Variants in DOCK5 observed in about 807,000 individuals in gnomAD.
The protein encoded by DOCK5 is dedicator of cytokinesis protein 5.
DOCK5 carries 142 observed loss-of-function variants against 251.8 expected under a neutral mutation model. The ratio of observed to expected loss-of-function variants is 0.56; its 90% confidence interval spans 0.49 to 0.65. The LOEUF (loss-of-function observed/expected upper bound fraction) is 0.65, where lower values mean the gene tolerates loss of function less well. Among genes scored for constraint, DOCK5 ranks in the 30% least tolerant of loss-of-function variants. The pLI is 0.00. For synonymous variants in DOCK5, 842 were observed against 835.5 expected (o/e 1.01, Z -0.13); for missense variants, 2,111 against 2,312.3 (o/e 0.91, Z 1.79).
At chr8:25,319,026 C>T (rs1292736119) in intron 14 of DOCK5, among the ~76,000 whole-genome samples, 3 of 152,136 alleles carry the variant, frequency 2.0e-5, no homozygotes, top group African/African-American at 7.2e-5. Flanking sequence ...GCTCATTTCA[C>T]GTAGACACCT....
intron 48 of DOCK5, among the ~76,000 whole-genome samples, chr8:25,405,911 G>A (rs148865035): frequency 5.6e-4 from 85 of 152,196 alleles, no homozygotes; most frequent in African/African-American, 1.7e-3. Context: ...GATAACCACC[G>A]TTAAAGCTCA....
intron 14 of DOCK5, among the ~76,000 whole-genome samples, chr8:25,318,094 T>C (rs901738901): frequency 1.3e-5 from 2 of 151,788 alleles, no homozygotes; most frequent in Non-Finnish European, 1.5e-5. Context: ...TTTGTTGCTG[T>C]TGTTGTTGTT....
In DOCK5 at chr8:25,373,654, A is replaced by C. The variant is rs1208161327; in HGVS notation, c.3721A>C (p.Ile1241Leu). ...AGAAAAGAAGAGAGAGGACATATACATAAGGTAAGCTGAAGGAAATTTCTT... is the reference window on the plus strand; with the variant it reads ...AGAAAAGAAGAGAGAGGACATATACCTAAGGTAAGCTGAAGGAAATTTCTT... ...YKEKKREDIY[I>L]RYLYKLRDLH... is the part of the protein sequence containing the mutation. Residue 1241 changes from isoleucine (I) to leucine (L), a missense_variant, in exon 36 of 52, where the codon ATA (isoleucine) becomes CTA (leucine). Ile to Leu is a conservative substitution (Grantham distance 5). Transcript: ENST00000276440. 5 of 1,593,620 alleles carry C rather than the reference A, an allele frequency of 3.1e-6. No individual in the cohort carries two copies. Among genetic ancestry groups the C allele is most frequent in the Non-Finnish European group, 4.3e-6 (5 of 1,170,190 alleles).
intron 28 of DOCK5, among the ~76,000 whole-genome samples, chr8:25,359,387 A>ATGTCG (rs1800636583): frequency 6.6e-6 from 1 of 151,876 alleles, no homozygotes. Flanking sequence ...GTAACTACTC[A>ATGTCG]TGGCAAGGAT....
At chr8:25,295,539 A>G (rs998400387) in intron 6 of DOCK5, among the ~76,000 whole-genome samples, 3 of 152,166 alleles carry the variant, frequency 2.0e-5, no homozygotes, top group African/African-American at 7.2e-5. Context: ...GGTCTAAATG[A>G]CACCAGAGCC....
At chr8:25,268,927 T>G (rs753628706) in intron 3 of DOCK5, 42 bp downstream of exon 3, 21 of 1,497,356 alleles carry the variant, frequency 1.4e-5, no homozygotes, top group Admixed American at 2.1e-5. Flanking sequence ...TTGAAATCTG[T>G]CTGCTAGTTT....
At chr8:25,394,078 G>A (rs1434062888) in intron 44 of DOCK5, among the ~76,000 whole-genome samples, 2 of 152,158 alleles carry the variant, frequency 1.3e-5, no homozygotes, top group African/African-American at 2.4e-5. Context: ...AAGAATAGCA[G>A]TATGTGGTGG....
intron 1 of DOCK5, 137 bp downstream of exon 1, chr8:25,185,088 G>C (rs1801398803): frequency 1.3e-5 from 14 of 1,048,470 alleles, no homozygotes; most frequent in Non-Finnish European, 1.6e-5. Flanking sequence ...CTGGGAGCCG[G>C]GGACGGTAGG....
In DOCK5 at chr8:25,412,572, C is replaced by CT. The variant is rs1427478720; in HGVS notation, c.*1275dup. 1.3e-5 allele frequency: 2 copies of CT among 152,152 alleles called. No individual in the cohort carries two copies. Among genetic ancestry groups the CT allele is most frequent in the Non-Finnish European group, 2.9e-5 (2 of 68,042 alleles). 9.4% of individuals were successfully genotyped at this position (152,152 alleles called of 1,614,324 possible). ...CTGACAGACTCTTTAATATTTACCC[C>CT]TGGTTGGAACAATATTTGAAATGTC... On this transcript the variant is annotated 3_prime_UTR_variant, in exon 52 of 52. Coordinates refer to ENST00000276440, the MANE Select transcript of DOCK5 (RefSeq NM_024940.8).
chr8:25,299,023 A>G lies in DOCK5; in HGVS notation c.686A>G (p.Lys229Arg), dbSNP rs140417347. ...ACCTATGGCCTCTATGTGAACTTCA[A>G]GAACTTTGTCTGCAACATCGGGGAA... ...IHTYGLYVNF[K>R]NFVCNIGEDA... Residue 229 changes from lysine to arginine, a missense_variant, in exon 8 of 52, where the codon AAG (lysine) becomes AGG (arginine). By Grantham distance (26) the Lys-to-Arg change is conservative (BLOSUM62 2). Coordinates refer to ENST00000276440, the MANE Select transcript of DOCK5 (RefSeq NM_024940.8). 26 of 1,613,818 alleles carry G rather than the reference A, an allele frequency of 1.6e-5. No individual in the cohort carries two copies. In the African/African-American group the frequency reaches 3.1e-4, roughly 19 times the overall value.
At position 25,245,846 on chromosome 8, in the gene DOCK5, T is replaced by G. The variant is rs114040662; in HGVS notation, c.127+2089T>G. ...TGAGCCACCATGCCTGGTGGCAAAGTTCTATATATGGTAATTAGGTTCTAA... is the reference window on the plus strand; with the variant it reads ...TGAGCCACCATGCCTGGTGGCAAAGGTCTATATATGGTAATTAGGTTCTAA... On this transcript the variant is annotated intron_variant, in intron 2 of 51. Coordinates refer to ENST00000276440, the MANE Select transcript of DOCK5 (RefSeq NM_024940.8). Among the ~76,000 whole-genome samples the G allele has an allele frequency of 9.6e-3, 1,463 of 152,222 alleles. 30 individuals are homozygous for G. Among genetic ancestry groups the G allele is most frequent in the African/African-American group, 0.033 (1,384 of 41,524 alleles).
In DOCK5 at chr8:25,273,459, C is replaced by T. The variant is rs530091546; in HGVS notation, c.169-1927C>T. On this transcript the variant is annotated intron_variant, in intron 3 of 51. Transcript: ENST00000276440. ...CTCTACTAAAAATACAAAAATTAGC[C>T]GGGCATGGTGGTGCATACCTGTAAT... 4.0e-3 allele frequency among the ~76,000 whole-genome samples: 608 copies of T among 152,232 alleles called. 6 individuals carry two copies. The highest frequency in any genetic ancestry group is 0.014 in the African/African-American group (577 of 41,544).
chr8:25,336,618 T>C (rs557659621), intron 22 of DOCK5, among the ~76,000 whole-genome samples: 6 of 152,328 alleles, frequency 3.9e-5, no homozygotes, highest in African/African-American at 1.4e-4. Context: ...AGCAGATTCC[T>C]GTGGAAAGAT....
chr8:25,319,791 T>G lies in DOCK5; in HGVS notation c.1542+115T>G, dbSNP rs915665307. On this transcript the variant is annotated intron_variant, in intron 15 of 51. Transcript: ENST00000276440. ...TTTTGAAATTTTTAGATAAGTTGCC[T>G]ATGGTGTGCAGTAAGAAATGAATCA... 2.2e-5 allele frequency: 15 copies of G among 673,582 alleles called. No individual in the cohort carries two copies. In the African/African-American group the frequency reaches 2.4e-4, roughly 11 times the overall value. The allele number at this position is 673,582 out of a possible 1,614,324, so 41.7% of individuals were successfully genotyped here. A position where few individuals can be genotyped will look rare whatever the true frequency, so the allele number is the denominator to read the frequency against.
At chr8:25,210,033 T>TATATATATATATAA (rs1293166301) in intron 1 of DOCK5, among the ~76,000 whole-genome samples, 8 of 22,858 alleles carry the variant, frequency 3.5e-4, no homozygotes, top group Non-Finnish European at 4.9e-4. Context: ...TATATATATA[T>TATATATATATATAA]AAATGTGTGT....
intron 7 of DOCK5, 39 bp downstream of exon 7, chr8:25,296,687 T>TTTTA: frequency 6.2e-7 from 1 of 1,603,144 alleles, no homozygotes; most frequent in Non-Finnish European, 8.5e-7. Flanking sequence ...CCACTGAGGT[T>TTTTA]CCATTTTTGC....
intron 2 of DOCK5, among the ~76,000 whole-genome samples, chr8:25,244,052 G>A (rs997219258): frequency 3.3e-5 from 5 of 152,212 alleles, no homozygotes; most frequent in Middle Eastern, 3.2e-3. Context: ...GAGCTGGCTC[G>A]CGAGGAGACA....
rs368988201 is a variant in DOCK5 at position 25,207,909 on chromosome 8, A to C, written c.43+22958A>C. Among the ~76,000 whole-genome samples, 80 of 152,348 alleles carry C rather than the reference A, an allele frequency of 5.3e-4. 3 individuals carry two copies. The South Asian group carries it at 0.016, about 30-fold the overall frequency. On this transcript the variant is annotated intron_variant, in intron 1 of 51. Coordinates refer to ENST00000276440, the MANE Select transcript of DOCK5 (RefSeq NM_024940.8). ...ACGCTGATGGTTCTAGGTGTAGTAC[A>C]TTAAAAACCTTCTGGAAAGGATTCC...
chr8:25,293,014 C>T lies in DOCK5; in HGVS notation c.470+842C>T, dbSNP rs1052907832. Among the ~76,000 whole-genome samples, 10 of 152,284 alleles carry T rather than the reference C, an allele frequency of 6.6e-5. No individual in the cohort carries two copies. The East Asian group carries it at 1.7e-3, about 26-fold the overall frequency. The stretch of plus-strand genomic sequence containing the variant: ...ATCACTTCATTAATCTTCTGATTAA[C>T]TCAGGCACATATCCAGGCTCCAGAT... On this transcript the variant is annotated intron_variant, in intron 6 of 51. Coordinates refer to ENST00000276440, the MANE Select transcript of DOCK5 (RefSeq NM_024940.8).
Sources: allele counts gnomAD v4.1 joint callset (sites outside exome capture counted in the v4.1 genomes callset), GRCh38; gene constraint gnomAD v4.1.1; transcripts MANE v1.5; gene names NCBI Gene and HGNC (gene_info 2026-07-23, HGNC 2026-07-21).